The following HSF1 variants were observed in gnomAD, a reference collection of about 807,000 sequenced individuals.
The protein encoded by HSF1 is heat shock factor protein 1.
A neutral mutation model predicts 51.7 loss-of-function variants in HSF1; 32 were observed. The observed-to-expected ratio is 0.62, with a 90% confidence interval of 0.47 to 0.83. The LOEUF is 0.83. Among genes scored for constraint, HSF1 ranks in the 40% least tolerant of loss-of-function variants. HSF1 has a pLI of 0.00. For synonymous variants in HSF1, 396 were observed against 309.7 expected, an observed-to-expected ratio of 1.28 and a Z score of -2.92; for missense variants, 727 against 717.0, an observed-to-expected ratio of 1.01 and a Z score of -0.16.
intron 1 of HSF1, among the ~76,000 whole-genome samples, chr8:144,305,402 C>T (rs1816144058): frequency 6.6e-6 from 1 of 151,784 alleles, no homozygotes; most frequent in South Asian, 2.1e-4. Context: ...AGAGTTCAAG[C>T]GATTCTCTTG....
chr8:144,310,767 C>T (rs113463782), intron 4 of HSF1: 8,647 of 250,558 alleles, frequency 0.035, 205 homozygotes, highest in Non-Finnish European at 0.047. Context: ...ACCTACAGGA[C>T]ATGGGACAGC....
chr8:144,309,817 G>A lies in HSF1; in HGVS notation c.409G>A (p.Val137Ile), dbSNP rs781968705. The change falls in exon 4 of 13, where the codon GTC becomes ATC. Residue 137 changes from valine to isoleucine, a missense_variant. Val to Ile is a conservative substitution (Grantham distance 29). Transcript: ENST00000528838. Reference sequence around the variant, plus strand: ...AGACATAAAGATCCGCCAGGACAGCGTCACCAAGCTGCTGACGGACGTGCA... The same window carrying A: ...AGACATAAAGATCCGCCAGGACAGCATCACCAAGCTGCTGACGGACGTGCA... ...SEDIKIRQDS[V>I]TKLLTDVQLM... 1.4e-5 allele frequency: 22 copies of A among 1,613,934 alleles called. No homozygotes were observed. The highest frequency in any genetic ancestry group is 6.7e-5 in the East Asian group (3 of 44,884).
chr8:144,302,274 C>T (rs1588639522), intron 1 of HSF1, among the ~76,000 whole-genome samples: 2 of 151,580 alleles, frequency 1.3e-5, no homozygotes, highest in Non-Finnish European at 2.9e-5. Context: ...TTTGGGAGAC[C>T]GAGGCAGGCG....
intron 1 of HSF1, among the ~76,000 whole-genome samples, chr8:144,295,238 A>G (rs1815377200): frequency 6.6e-6 from 1 of 152,236 alleles, no homozygotes; most frequent in South Asian, 2.1e-4. Context: ...GACAGCATGG[A>G]GAACCAAACA....
intron 2 of HSF1, 34 bp downstream of exon 2, chr8:144,309,048 G>A: frequency 6.7e-7 from 1 of 1,497,698 alleles, no homozygotes. Flanking sequence ...CAGGGGTGCG[G>A]GAGGCAGACC....
At chr8:144,299,042 C>T (rs1815677188) in intron 1 of HSF1, among the ~76,000 whole-genome samples, 3 of 152,066 alleles carry the variant, frequency 2.0e-5, no homozygotes, top group Admixed American at 6.6e-5. Flanking sequence ...TTGGAAGTGG[C>T]GCAGAATAAG....
At chr8:144,307,492 C>T (rs184491163) in intron 1 of HSF1, among the ~76,000 whole-genome samples, 1 of 152,386 alleles carries the variant, frequency 6.6e-6, no homozygotes, top group Non-Finnish European at 1.5e-5. Flanking sequence ...GTAATCCCAG[C>T]ACTGCAGGAG....
Position 144,313,721 on chromosome 8 carries a change from CCGCCCCGCCTCCCCG to C in HSF1, c.1248+110_1249-106del, listed in dbSNP as rs1588670948. On this transcript the variant is annotated intron_variant, in intron 10 of 12. Coordinates refer to ENST00000528838, the MANE Select transcript of HSF1 (RefSeq NM_005526.4). ...CTCCCCGCGCCGCCGCCCCGCCTCC[CCGCCCCGCCTCCCCG>C]CGCCTCCCCGCCTCCCCGCCCCGCC... 9.7e-3 allele frequency: 931 copies of C among 96,336 alleles called. 197 individuals carry two copies. Among genetic ancestry groups the C allele is most frequent in the African/African-American group, 0.042 (458 of 10,990 alleles). The allele number at this position is 96,336 out of a possible 1,614,324, so 6.0% of individuals were successfully genotyped here.
rs1211391606 is a variant in HSF1, at chr8:144,313,852, A to G, written c.1255A>G (p.Ser419Gly). The G allele has an allele frequency of 6.3e-7, 1 of 1,580,286 alleles. No individual in the cohort carries two copies. Among genetic ancestry groups the G allele is most frequent in the East Asian group, 2.3e-5 (1 of 44,006 alleles). ...TTCCCTCCCTCCTCCGCAGCTGTTC[A>G]GCCCCTCGGTGACCGTGCCCGACAT... ...VDTSALLDLF[S>G]PSVTVPDMSL... Residue 419 changes from serine (S) to glycine (G), a missense_variant, in exon 11 of 13, where the codon AGC becomes GGC. Around this residue, in one of 2 missense-constraint regions of HSF1, gnomAD observed 470 missense variants for 398.8 expected, o/e 1.18. Coordinates refer to ENST00000528838, the MANE Select transcript of HSF1 (RefSeq NM_005526.4).
Position 144,311,788 on chromosome 8 carries a change from T to C in HSF1, c.812T>C (p.Leu271Pro), listed in dbSNP as rs1554844659. 4 of 1,612,512 alleles carry C rather than the reference T, an allele frequency of 2.5e-6. No individual in the cohort carries two copies. The South Asian group carries it at 3.3e-5, about 13-fold the overall frequency. Residue 271 changes from leucine (L) to proline (P), a missense_variant, in exon 8 of 13, where the codon CTG becomes CCG. Coordinates refer to ENST00000528838, the MANE Select transcript of HSF1 (RefSeq NM_005526.4). ...CCCATCATCTCCGACATCACCGAGC[T>C]GGCTCCTGCCAGCCCCATGGCCTCC... ...SGPIISDITE[L>P]APASPMASPG...
intron 9 of HSF1, 97 bp from the exon 10 acceptor site, chr8:144,313,414 C>T (rs1362779207): frequency 5.0e-6 from 4 of 802,280 alleles, no homozygotes; most frequent in Non-Finnish European, 8.4e-6. Context: ...GGGGTGCAGC[C>T]TGGGGGGTAC....
At chr8:144,308,846 C>T (rs1260971382) in intron 1 of HSF1, 60 bp from the exon 2 acceptor site, 26 of 1,353,482 alleles carry the variant, frequency 1.9e-5, no homozygotes, top group South Asian at 1.4e-4. Flanking sequence ...GGGGAAGGGG[C>T]GGCTTGGGCA....
chr8:144,304,808 A>G (rs1366975697), intron 1 of HSF1, among the ~76,000 whole-genome samples: 2 of 149,368 alleles, frequency 1.3e-5, no homozygotes, highest in Non-Finnish European at 3.0e-5. Context: ...CACGACACTA[A>G]AATTTTTCCA....
chr8:144,309,860 A>G lies in HSF1; in HGVS notation c.452A>G (p.Gln151Arg). 6.2e-7 allele frequency: 1 copy of G among 1,613,884 alleles called. No individual in the cohort carries two copies. The highest frequency in any genetic ancestry group is 8.5e-7 in the Non-Finnish European group (1 of 1,179,978). The change falls in exon 4 of 13, where the codon CAG becomes CGG. Residue 151 changes from glutamine (Q) to arginine (R), a missense_variant. Gln to Arg is a conservative substitution (Grantham distance 43). Around this residue, in one of 2 missense-constraint regions of HSF1, gnomAD observed 257 missense variants for 318.3 expected, o/e 0.81. Transcript: ENST00000528838. ...LTDVQLMKGK[Q>R]ECMDSKLLAM... ...GACGTGCAGCTGATGAAGGGGAAGC[A>G]GGAGTGCATGGACTCCAAGCTCCTG...
intron 1 of HSF1, among the ~76,000 whole-genome samples, chr8:144,306,888 G>A (rs1402806021): frequency 6.6e-5 from 10 of 152,238 alleles, no homozygotes; most frequent in African/African-American, 2.4e-4. Flanking sequence ...AATGCCTGGG[G>A]CCAGTGAGTC....
intron 1 of HSF1, among the ~76,000 whole-genome samples, chr8:144,302,752 G>C (rs761515137): frequency 6.6e-6 from 1 of 151,888 alleles, no homozygotes. Context: ...ATCCCAGGAG[G>C]TAGAGGTTGC....
chr8:144,314,175 G>C lies in HSF1; in HGVS notation c.1435G>C (p.Gly479Arg). Residue 479 changes from glycine (G) to arginine (R), a missense_variant, in exon 13 of 13, where the codon GGC (glycine) becomes CGC (arginine). By Grantham distance (125) the Gly-to-Arg change is moderately radical. Coordinates refer to ENST00000528838, the MANE Select transcript of HSF1 (RefSeq NM_005526.4). ...TAQPLFLLDPGSVDTGSNDLP... is the reference protein window; with the variant it reads ...TAQPLFLLDPRSVDTGSNDLP... ...GCAGCCGCTGTTCCTGCTGGACCCC[G>C]GCTCCGTGGACACCGGGAGCAACGA... 2 of 1,410,020 alleles carry C rather than the reference G, an allele frequency of 1.4e-6. No individual in the cohort carries two copies. Among genetic ancestry groups the C allele is most frequent in the Non-Finnish European group, 1.9e-6 (2 of 1,062,642 alleles). The allele number at this position is 1,410,020 out of a possible 1,614,324, so 87.3% of individuals were successfully genotyped here. A position where few individuals can be genotyped will look rare whatever the true frequency, so the allele number is the denominator to read the frequency against.
chr8:144,314,014 C>T lies in HSF1; in HGVS notation c.1344C>T (p.Pro448=). 1 of 1,610,928 alleles carries T rather than the reference C, an allele frequency of 6.2e-7. No individual in the cohort carries two copies. The highest frequency in any genetic ancestry group is 8.5e-7 in the Non-Finnish European group (1 of 1,179,452). Residue 448 remains proline, a synonymous_variant, in exon 12 of 13, where the codon CCC becomes CCT. Transcript: ENST00000528838. ...AAGAGCTCCTGTCTCCCCAGGAGCCCCCCAGGCCTCCCGAGGCAGAGAACA... is the reference window on the plus strand; with the variant it reads ...AAGAGCTCCTGTCTCCCCAGGAGCCTCCCAGGCCTCCCGAGGCAGAGAACA... ...SIQELLSPQE[P]PRPPEAENSS...
At chr8:144,298,603 A>G (rs1478885938) in intron 1 of HSF1, among the ~76,000 whole-genome samples, 2 of 151,298 alleles carry the variant, frequency 1.3e-5, no homozygotes, top group African/African-American at 2.5e-5. Context: ...TGTCTCAAAA[A>G]AAAAAAAAGA....
Sources: allele counts gnomAD v4.1 joint callset (sites outside exome capture counted in the v4.1 genomes callset), GRCh38; gene constraint gnomAD v4.1.1; regional missense constraint gnomAD v4.1.1; transcripts MANE v1.5; gene names NCBI Gene and HGNC (gene_info 2026-07-23, HGNC 2026-07-21).